Variants in DENND1A observed in about 807,000 individuals in gnomAD.
The protein encoded by DENND1A is DENN domain-containing protein 1A.
In DENND1A, 51 loss-of-function variants were observed where a neutral mutation model predicts 113.7. The observed-to-expected ratio is 0.45, with a 90% CI of 0.36 to 0.57. The LOEUF is 0.57. Among genes scored for constraint, DENND1A ranks in the 20% least tolerant of loss-of-function variants. The pLI is 0.00. For synonymous variants in DENND1A, 565 were observed against 570.8 expected (o/e 0.99, Z 0.14); for missense variants, 1,258 against 1,395.9 (o/e 0.90, Z 1.57).
At chr9:123,398,215 C>T (rs1291423498) in intron 21 of DENND1A, among the ~76,000 whole-genome samples, 1 of 152,202 alleles carries the variant, frequency 6.6e-6, no homozygotes, top group Non-Finnish European at 1.5e-5. Flanking sequence ...CACTTCCCAG[C>T]AGGGAACAAA....
intron 1 of DENND1A, among the ~76,000 whole-genome samples, chr9:123,904,468 G>GA (rs1335129121): frequency 6.9e-6 from 1 of 145,740 alleles, no homozygotes; most frequent in East Asian, 2.0e-4. Flanking sequence ...TGAAAACTTT[G>GA]AAAAAAATTT....
chr9:123,576,096 T>C (rs2058621165), intron 12 of DENND1A, among the ~76,000 whole-genome samples: 1 of 152,228 alleles, frequency 6.6e-6, no homozygotes, highest in Non-Finnish European at 1.5e-5. Flanking sequence ...TATCTCTGTC[T>C]TATTTTTTCC....
At chr9:123,917,864 G>A (rs562015032) in intron 1 of DENND1A, among the ~76,000 whole-genome samples, 28 of 151,916 alleles carry the variant, frequency 1.8e-4, no homozygotes, top group African/African-American at 5.8e-4. Flanking sequence ...TAATCTCAGC[G>A]CTTTGGGAGG....
intron 12 of DENND1A, among the ~76,000 whole-genome samples, chr9:123,579,407 G>GT (rs1042953443): frequency 3.3e-5 from 5 of 151,996 alleles, no homozygotes; most frequent in East Asian, 3.9e-4. Context: ...GTCCTTAAAT[G>GT]TTTTTTTGAA....
At chr9:123,808,597 G>C (rs930892072) in intron 2 of DENND1A, among the ~76,000 whole-genome samples, 1 of 152,068 alleles carries the variant, frequency 6.6e-6, no homozygotes, top group African/African-American at 2.4e-5. Flanking sequence ...GCCCAGGCTG[G>C]TCTCAAACAC....
intron 8 of DENND1A, among the ~76,000 whole-genome samples, chr9:123,664,939 C>T (rs913459561): frequency 3.3e-5 from 5 of 152,120 alleles, no homozygotes; most frequent in Non-Finnish European, 7.4e-5. Flanking sequence ...ATTACTTTCC[C>T]ACTTCTTTTT....
chr9:123,416,729 G>T (rs10122393), intron 19 of DENND1A, among the ~76,000 whole-genome samples: 50,621 of 151,946 alleles, frequency 0.33, 8,443 homozygotes, highest in Admixed American at 0.37. Flanking sequence ...TTCTTCGATG[G>T]TCAACGCAAA....
At chr9:123,835,101 C>T (rs972710624) in intron 2 of DENND1A, among the ~76,000 whole-genome samples, 2 of 146,962 alleles carry the variant, frequency 1.4e-5, no homozygotes, top group Admixed American at 6.8e-5. Context: ...AAATAACTTG[C>T]TTTAGAGGGG....
intron 2 of DENND1A, among the ~76,000 whole-genome samples, chr9:123,804,804 T>C (rs1835264017): frequency 6.6e-6 from 1 of 152,226 alleles, no homozygotes; most frequent in Admixed American, 6.5e-5. Flanking sequence ...TAAGCCACCA[T>C]CATTTTCCAC....
rs1373553077 is a variant in DENND1A at position 123,382,143 on chromosome 9, C to G, written c.2502G>C (p.Gly834=). 6.3e-7 allele frequency: 1 copy of G among 1,598,536 alleles called. No individual in the cohort carries two copies. The highest frequency in any genetic ancestry group is 1.7e-5 in the Admixed American group (1 of 58,284). Residue 834 remains glycine (G), a synonymous_variant, in exon 24 of 24, where the codon GGG becomes GGC. Coordinates refer to ENST00000394215, the MANE Select transcript of DENND1A (RefSeq NM_001352964.2). ...GGGCGTCACTGCTCGTGCCTGCAGC[C>G]CCGGGGCCAGGGCTGAGCGGCTGGA... The part of the protein sequence containing the change: ...ELLQPLSPGP[G]AAGTSSDALL...
Position 123,495,141 on chromosome 9 carries a change from T to TCTCTCTCTCTCTCTCTCTCTCTC in DENND1A, c.994-37245_994-37244insGAGAGAGAGAGAGAGAGAGAGAG, listed in dbSNP as rs2051763656. 6.5e-4 allele frequency among the ~76,000 whole-genome samples: 92 copies of TCTCTCTCTCTCTCTCTCTCTCTC among 140,642 alleles called. 1 individual carries two copies. The highest frequency in any genetic ancestry group is 2.4e-3 in the African/African-American group (86 of 35,496). The allele number at this position is 140,642 out of a possible 152,430, so 92.3% of individuals were successfully genotyped here. On this transcript the variant is annotated intron_variant, in intron 13 of 23. Coordinates refer to ENST00000394215, the MANE Select transcript of DENND1A (RefSeq NM_001352964.2). ...TCTATTATGACCCATCATTGTCTCTTTCTCTCTCTCTCTCTCTCTCTCTCT... is the reference window on the plus strand; with the variant it reads ...TCTATTATGACCCATCATTGTCTCTTCTCTCTCTCTCTCTCTCTCTCTCTCTCTCTCTCTCTCTCTCTCTCTCT...
chr9:123,424,722 C>T (rs2045581561), intron 19 of DENND1A, among the ~76,000 whole-genome samples: 1 of 152,254 alleles, frequency 6.6e-6, no homozygotes, highest in Non-Finnish European at 1.5e-5. Flanking sequence ...TACTGTGTGA[C>T]CTTGGTCAAG....
chr9:123,909,341 A>G (rs1853512380), intron 1 of DENND1A, among the ~76,000 whole-genome samples: 1 of 151,526 alleles, frequency 6.6e-6, no homozygotes, highest in Non-Finnish European at 1.5e-5. Flanking sequence ...TAAAACTTAA[A>G]GTATAAAAAA....
intron 13 of DENND1A, among the ~76,000 whole-genome samples, chr9:123,530,195 G>C (rs891446010): frequency 2.0e-5 from 3 of 152,130 alleles, no homozygotes; most frequent in Non-Finnish European, 4.4e-5. Context: ...GAATATTCTA[G>C]AATTGAAGAA....
intron 13 of DENND1A, among the ~76,000 whole-genome samples, chr9:123,516,688 C>T (rs972594687): frequency 6.6e-6 from 1 of 151,846 alleles, no homozygotes; most frequent in Non-Finnish European, 1.5e-5. Flanking sequence ...GAGATCGAGA[C>T]TATCCTGGCC....
intron 1 of DENND1A, among the ~76,000 whole-genome samples, chr9:123,907,240 A>G (rs1773503835): frequency 7.6e-6 from 1 of 132,176 alleles, no homozygotes; most frequent in Non-Finnish European, 1.6e-5. Context: ...TGACAAACCC[A>G]CAGCCAATAT....
In DENND1A at chr9:123,686,436, T is replaced by C. The variant is rs559726111; in HGVS notation, c.303-9647A>G. Among the ~76,000 whole-genome samples, 4 of 152,316 alleles carry C rather than the reference T, an allele frequency of 2.6e-5. No individual in the cohort carries two copies. The South Asian group carries it at 8.3e-4, about 32-fold the overall frequency. ...ACCTTGTGGTTCTCACTGTAGTGCT[T>C]GATAAGATAAAGGAAAGCTTGCCTC... On this transcript the variant is annotated intron_variant, in intron 5 of 23. Coordinates refer to ENST00000394215, the MANE Select transcript of DENND1A (RefSeq NM_001352964.2).
chr9:123,602,008 A>G (rs2059952293), intron 11 of DENND1A, among the ~76,000 whole-genome samples: 1 of 152,186 alleles, frequency 6.6e-6, no homozygotes, highest in Admixed American at 6.5e-5. Flanking sequence ...CATAATCCAC[A>G]TGGCCTGATG....
chr9:123,549,424 C>A (rs2056907984), intron 13 of DENND1A, among the ~76,000 whole-genome samples: 1 of 152,032 alleles, frequency 6.6e-6, no homozygotes, highest in Non-Finnish European at 1.5e-5. Context: ...GCGCACCCTC[C>A]CACCCATCAA....
Sources: allele counts gnomAD v4.1 joint callset (sites outside exome capture counted in the v4.1 genomes callset), GRCh38; gene constraint gnomAD v4.1.1; transcripts MANE v1.5; gene names NCBI Gene and HGNC (gene_info 2026-07-23, HGNC 2026-07-21).